The following RYR2 variants were observed in gnomAD, a reference collection of about 807,000 sequenced individuals.
RYR2 encodes ryanodine receptor 2.
A neutral mutation model predicts 601.1 loss-of-function variants in RYR2; 227 were observed. That is an observed-to-expected ratio of 0.38 (90% CI 0.34 to 0.42). RYR2 has a LOEUF of 0.42. RYR2 is among the 10% of genes least tolerant of loss of function. RYR2 has a pLI of 1.00. For synonymous variants in RYR2, 2,223 were observed against 2,175.1 expected, an observed-to-expected ratio of 1.02 and a Z score of -0.61; for missense variants, 4,646 against 6,156.5, an observed-to-expected ratio of 0.75 and a Z score of 8.21.
At chr1:237,104,268 A>C (rs1668433546) in intron 1 of RYR2, among the ~76,000 whole-genome samples, 1 of 152,114 alleles carries the variant, frequency 6.6e-6, no homozygotes, top group East Asian at 1.9e-4. Context: ...GGAAGCAAGC[A>C]TCCCTCAGTA....
At chr1:237,167,746 G>T (rs115203194) in intron 1 of RYR2, among the ~76,000 whole-genome samples, 1,447 of 125,320 alleles carry the variant, frequency 0.012, 25 homozygotes, top group African/African-American at 0.041. Context: ...ATTTAGAGAT[G>T]AGGTCTTGCT....
chr1:237,336,456 C>T (rs925761993), intron 3 of RYR2, among the ~76,000 whole-genome samples: 1 of 152,114 alleles, frequency 6.6e-6, no homozygotes, highest in Non-Finnish European at 1.5e-5. Flanking sequence ...GTACTGTCTT[C>T]AAAGTACAAA....
chr1:237,384,383 C>T (rs760671017), intron 8 of RYR2, among the ~76,000 whole-genome samples: 17 of 152,190 alleles, frequency 1.1e-4, no homozygotes, highest in Non-Finnish European at 1.6e-4. Context: ...TCAGTCATTC[C>T]ACCTCTTAGC....
intron 27 of RYR2, among the ~76,000 whole-genome samples, chr1:237,551,539 A>AAC (rs1670401505): frequency 6.6e-6 from 1 of 151,466 alleles, no homozygotes; most frequent in South Asian, 2.1e-4. Flanking sequence ...TCAAAAAAAA[A>AAC]AAAAAAAAAA....
Position 237,708,958 on chromosome 1 carries a change from G to A in RYR2, c.10002G>A (p.Val3334=), listed in dbSNP as rs1265756833. The A allele has an allele frequency of 6.2e-7, 1 of 1,613,476 alleles. No individual in the cohort carries two copies. The highest frequency in any genetic ancestry group is 8.5e-7 in the Non-Finnish European group (1 of 1,179,636). Residue 3334 remains valine (V), a synonymous_variant, in exon 69 of 105, where the codon GTG becomes GTA. Coordinates refer to ENST00000366574, the MANE Select transcript of RYR2 (RefSeq NM_001035.3). Reference sequence around the variant, plus strand: ...TCAAGAAAAAGGCAGCTACGGTGGTGTCTGAGGAAGACCACCTGAAAGCTG... The same window carrying A: ...TCAAGAAAAAGGCAGCTACGGTGGTATCTGAGGAAGACCACCTGAAAGCTG... ...EKLKKKAATV[V]SEEDHLKAEA...
At chr1:237,302,567 A>G (rs911115632) in intron 2 of RYR2, among the ~76,000 whole-genome samples, 2 of 152,278 alleles carry the variant, frequency 1.3e-5, no homozygotes, top group Non-Finnish European at 2.9e-5. Flanking sequence ...TCCTCTCACT[A>G]CAGAGTGAGC....
chr1:237,655,445 G>A (rs1355074861), intron 52 of RYR2, among the ~76,000 whole-genome samples: 1 of 151,940 alleles, frequency 6.6e-6, no homozygotes, highest in Non-Finnish European at 1.5e-5. Flanking sequence ...TTTTTTATAT[G>A]TAGTCATTAT....
intron 37 of RYR2, among the ~76,000 whole-genome samples, chr1:237,615,365 T>A (rs1335425225): frequency 2.0e-5 from 3 of 152,144 alleles, no homozygotes; most frequent in East Asian, 3.9e-4. Context: ...AATTTTTTTT[T>A]ATTTTTAGTC....
intron 10 of RYR2, among the ~76,000 whole-genome samples, chr1:237,415,505 T>C (rs1704886640): frequency 6.6e-6 from 1 of 152,200 alleles, no homozygotes; most frequent in Non-Finnish European, 1.5e-5. Flanking sequence ...ATTTGTGAAA[T>C]GTTCTTGCCA....
intron 3 of RYR2, among the ~76,000 whole-genome samples, chr1:237,353,934 T>G (rs939834090): frequency 1.3e-5 from 2 of 152,218 alleles, no homozygotes; most frequent in African/African-American, 4.8e-5. Context: ...TTTCCTTGTC[T>G]TGATTAGCTC....
At chr1:237,094,597 C>A (rs141482755) in intron 1 of RYR2, among the ~76,000 whole-genome samples, 1 of 152,010 alleles carries the variant, frequency 6.6e-6, no homozygotes, top group Non-Finnish European at 1.5e-5. Flanking sequence ...TTTTTTGAGA[C>A]GGAGTCTCGC....
intron 81 of RYR2, among the ~76,000 whole-genome samples, chr1:237,757,083 C>G (rs1693019166): frequency 6.6e-6 from 1 of 151,996 alleles, no homozygotes; most frequent in Admixed American, 6.6e-5. Context: ...AATGGTGGTA[C>G]ATTCTGTTAT....
intron 63 of RYR2, among the ~76,000 whole-genome samples, chr1:237,687,830 G>A (rs533289353): frequency 6.6e-6 from 1 of 152,254 alleles, no homozygotes; most frequent in Non-Finnish European, 1.5e-5. Context: ...CCTTGGATTT[G>A]TGTTTGGTTA....
At chr1:237,267,645 A>G (rs527773439) in intron 1 of RYR2, 87 of 266,118 alleles carry the variant, frequency 3.3e-4, no homozygotes, top group Non-Finnish European at 5.9e-4. Flanking sequence ...TGTGGCTCAT[A>G]TTGAGAGCTT....
rs1438256315 is a variant in RYR2, at chr1:237,387,310, C to T, written c.606C>T (p.His202=). The T allele has an allele frequency of 1.1e-5, 18 of 1,613,912 alleles. No homozygotes were observed. Among genetic ancestry groups the T allele is most frequent in the South Asian group, 8.8e-5 (8 of 91,088 alleles). ...LHLSYGNGSL[H]VDAAFQQTLW... Reference sequence around the variant, plus strand: ...TGTCTTATGGCAACGGCAGCTTACACGTGGATGCCGCTTTCCAGCAGACTC... The same window carrying T: ...TGTCTTATGGCAACGGCAGCTTACATGTGGATGCCGCTTTCCAGCAGACTC... The change falls in exon 9 of 105, where the codon CAC becomes CAT. Residue 202 remains histidine (H), a synonymous_variant. Transcript: ENST00000366574.
intron 1 of RYR2, among the ~76,000 whole-genome samples, chr1:237,185,023 C>T (rs1572132721): frequency 1.3e-5 from 2 of 152,216 alleles, no homozygotes; most frequent in East Asian, 3.9e-4. Flanking sequence ...GCATGCACCA[C>T]CACACCTGGC....
At chr1:237,459,639 G>T (rs981588841) in intron 16 of RYR2, among the ~76,000 whole-genome samples, 1 of 152,138 alleles carries the variant, frequency 6.6e-6, no homozygotes, top group Non-Finnish European at 1.5e-5. Flanking sequence ...AAGGCCCATT[G>T]CAGCAAAGTT....
intron 1 of RYR2, among the ~76,000 whole-genome samples, chr1:237,068,742 A>T (rs1449090136): frequency 1.3e-5 from 2 of 152,070 alleles, no homozygotes; most frequent in Non-Finnish European, 2.9e-5. Context: ...ACCATCATTT[A>T]TTTTTACTTT....
chr1:237,758,458 G>A (rs186456384), intron 82 of RYR2, among the ~76,000 whole-genome samples: 5 of 152,136 alleles, frequency 3.3e-5, no homozygotes, highest in East Asian at 1.9e-4. Flanking sequence ...CCCCGTAAAT[G>A]GCTATATGGT....
Sources: allele counts gnomAD v4.1 joint callset (sites outside exome capture counted in the v4.1 genomes callset), GRCh38; gene constraint gnomAD v4.1.1; transcripts MANE v1.5; gene names NCBI Gene and HGNC (gene_info 2026-07-23, HGNC 2026-07-21).